The following ZC3H18 variants were observed in gnomAD, a reference collection of about 807,000 sequenced individuals.
ZC3H18 encodes zinc finger CCCH-type containing 18.
In ZC3H18, 8 loss-of-function variants were observed where a neutral mutation model predicts 106.1. That is an observed-to-expected ratio of 0.08 (90% CI 0.04 to 0.14). The LOEUF (loss-of-function observed/expected upper bound fraction) is 0.14. ZC3H18 is among the 10% of genes least tolerant of loss of function. ZC3H18 has a pLI of 1.00. For synonymous variants in ZC3H18, 635 were observed against 522.1 expected, an observed-to-expected ratio of 1.22 and a Z score of -2.95; for missense variants, 1,318 against 1,278.4, an observed-to-expected ratio of 1.03 and a Z score of -0.47.
intron 2 of ZC3H18, among the ~76,000 whole-genome samples, chr16:88,580,295 C>T (rs1434131036): frequency 2.6e-5 from 4 of 151,950 alleles, no homozygotes; most frequent in Non-Finnish European, 5.9e-5. Flanking sequence ...GTTCCCCTAT[C>T]TCCCTGGGGC....
At chr16:88,591,865 G>A (rs1046013254) in intron 3 of ZC3H18, among the ~76,000 whole-genome samples, 12 of 152,166 alleles carry the variant, frequency 7.9e-5, no homozygotes, top group African/African-American at 2.7e-4. Flanking sequence ...TTGAGGAACC[G>A]CTGGCAGTGG....
chr16:88,601,065 C>CA (rs1904724878), intron 6 of ZC3H18, among the ~76,000 whole-genome samples: 1 of 152,250 alleles, frequency 6.6e-6, no homozygotes, highest in Non-Finnish European at 1.5e-5. Context: ...AGGCCCTTCT[C>CA]AAGGCCTTCT....
intron 6 of ZC3H18, among the ~76,000 whole-genome samples, chr16:88,602,945 G>A (rs1266650465): frequency 2.0e-5 from 3 of 152,094 alleles, no homozygotes; most frequent in African/African-American, 7.2e-5. Flanking sequence ...AGGACATAAA[G>A]GACAAGAAAA....
chr16:88,591,530 C>G (rs1227195327), intron 3 of ZC3H18, among the ~76,000 whole-genome samples: 1 of 151,914 alleles, frequency 6.6e-6, no homozygotes, highest in Non-Finnish European at 1.5e-5. Context: ...CAAGATCACA[C>G]CACTGCACTC....
chr16:88,577,466 G>A lies in ZC3H18; in HGVS notation c.343G>A (p.Glu115Lys), dbSNP rs1033865458. 2 of 1,612,552 alleles carry A rather than the reference G, an allele frequency of 1.2e-6. No individual in the cohort carries two copies. Among genetic ancestry groups the A allele is most frequent in the Non-Finnish European group, 1.7e-6 (2 of 1,179,474 alleles). ...AGACCGGACAAGCGACCTTAGGGAT[G>A]AGGCCTCCTCAGTCACCAGGGAGCT... ...EEDRTSDLRDEASSVTRELDE... is the reference protein window; with the variant it reads ...EEDRTSDLRDKASSVTRELDE... The change falls in exon 2 of 18, where the codon GAG becomes AAG. Residue 115 changes from glutamate (E) to lysine (K), a missense_variant. Transcript: ENST00000301011.
intron 15 of ZC3H18, 160 bp from the exon 16 acceptor site, chr16:88,628,598 G>C: frequency 1.4e-6 from 1 of 713,468 alleles, no homozygotes; most frequent in Non-Finnish European, 2.4e-6. Context: ...CTTGGTCCGG[G>C]TCCTGGAGGC....
At chr16:88,588,101 G>C (rs540136115) in intron 3 of ZC3H18, among the ~76,000 whole-genome samples, 1 of 152,230 alleles carries the variant, frequency 6.6e-6, no homozygotes, top group Non-Finnish European at 1.5e-5. Context: ...TGTGCGGTAC[G>C]TTTTGGAAAA....
rs750343500 is a variant in ZC3H18, at chr16:88,608,999, A to G, written c.1154A>G (p.Tyr385Cys). 6.2e-7 allele frequency: 1 copy of G among 1,614,018 alleles called. No homozygotes were observed. The change falls in exon 7 of 18, where the codon TAT (tyrosine) becomes TGT (cysteine). Residue 385 changes from tyrosine (Y) to cysteine (C), a missense_variant. Tyr to Cys is a radical substitution (Grantham distance 194). This residue lies in a region of ZC3H18 where 848 missense variants were observed against 821.7 expected (regional missense o/e 1.03). Transcript: ENST00000301011. The stretch of plus-strand genomic sequence containing the variant: ...GAGCGGTTTTGGCGTGGCGGACAGT[A>G]TGAGAATTTCAGGGTGCAGTATACA... The part of the protein sequence containing the change: ...EIERFWRGGQ[Y>C]ENFRVQYTET...
chr16:88,582,226 T>C (rs866336484), intron 2 of ZC3H18, among the ~76,000 whole-genome samples: 1 of 130,730 alleles, frequency 7.6e-6, no homozygotes, highest in Non-Finnish European at 1.6e-5. Flanking sequence ...TTTCTTTTTT[T>C]TTTTTTTTTT....
In ZC3H18 at chr16:88,624,531, T is replaced by C. The variant is rs1456346043; in HGVS notation, c.1899-71T>C. 8 of 1,608,850 alleles carry C rather than the reference T, an allele frequency of 5.0e-6. No individual in the cohort carries two copies. The African/African-American group carries it at 8.0e-5, about 16-fold the overall frequency. On this transcript the variant is annotated intron_variant, in intron 11 of 17. Coordinates refer to ENST00000301011, the MANE Select transcript of ZC3H18 (RefSeq NM_144604.4). ...TGTCGTTCCCCGAGCTGTGGGTCCA[T>C]TGAAAGGGGATGTAGGCCAGCGGGG...
At chr16:88,587,064 C>A (rs1289190270) in intron 3 of ZC3H18, among the ~76,000 whole-genome samples, 2 of 152,196 alleles carry the variant, frequency 1.3e-5, no homozygotes, top group African/African-American at 4.8e-5. Flanking sequence ...TTTTCCCCAC[C>A]TCTGTAGAGA....
rs977967940 is a variant in ZC3H18, at chr16:88,624,649, C to G, written c.1946C>G (p.Ala649Gly). ...KPAPPPAPPQATKTTAPVPEP... is the reference protein window; with the variant it reads ...KPAPPPAPPQGTKTTAPVPEP... ...GCCCCGCCTCCAGCCCCACCACAGG[C>G]CACCAAAACCACTGCTCCTGTCCCC... The change falls in exon 12 of 18, where the codon GCC becomes GGC. Residue 649 changes from alanine (A) to glycine (G), a missense_variant. Physicochemically the swap from Ala to Gly is moderately conservative, Grantham distance 60 (BLOSUM62 0). Coordinates refer to ENST00000301011, the MANE Select transcript of ZC3H18 (RefSeq NM_144604.4). The G allele has an allele frequency of 2.5e-6, 4 of 1,613,902 alleles. No individual in the cohort carries two copies. In the African/African-American group the frequency reaches 4.0e-5, roughly 16 times the overall value.
intron 1 of ZC3H18, among the ~76,000 whole-genome samples, chr16:88,574,120 C>G (rs913348937): frequency 1.3e-5 from 2 of 152,072 alleles, no homozygotes; most frequent in Non-Finnish European, 2.9e-5. Context: ...GGTGATCCAC[C>G]CGCGTCAGTC....
chr16:88,630,833 CA>C (rs1353440353), intron 17 of ZC3H18, among the ~76,000 whole-genome samples: 1 of 149,548 alleles, frequency 6.7e-6, no homozygotes, highest in East Asian at 2.0e-4. Context: ...TGCCCTTGGG[CA>C]AAAGATCCCT....
intron 4 of ZC3H18, 108 bp from the exon 5 acceptor site, chr16:88,598,512 C>A: frequency 2.8e-6 from 4 of 1,408,200 alleles, no homozygotes; most frequent in Non-Finnish European, 3.9e-6. Flanking sequence ...GGAAGGAGAG[C>A]GGCCACACAC....
At chr16:88,579,478 C>G (rs138608192) in intron 2 of ZC3H18, among the ~76,000 whole-genome samples, 4 of 152,116 alleles carry the variant, frequency 2.6e-5, no homozygotes, top group African/African-American at 9.7e-5. Context: ...ATCAAGGGTC[C>G]CCATAGTGGT....
intron 8 of ZC3H18, among the ~76,000 whole-genome samples, chr16:88,618,088 C>T (rs182847480): frequency 3.2e-4 from 49 of 152,364 alleles, no homozygotes; most frequent in African/African-American, 1.1e-3. Flanking sequence ...ATCTGCTCTG[C>T]GCTGAGACTG....
chr16:88,570,950 C>T (rs1260050368), intron 1 of ZC3H18, among the ~76,000 whole-genome samples: 1 of 152,252 alleles, frequency 6.6e-6, no homozygotes, highest in African/African-American at 2.4e-5. Flanking sequence ...CAGAGTAGGT[C>T]ATCCCGGGCT....
At chr16:88,590,564 C>T (rs76963618) in intron 3 of ZC3H18, among the ~76,000 whole-genome samples, 56 of 100,632 alleles carry the variant, frequency 5.6e-4, no homozygotes, top group African/African-American at 7.3e-4. Flanking sequence ...TTCTTTATTT[C>T]TTTTTTTTTT....
Sources: gnomAD v4.1 joint callset for allele counts (sites outside exome capture counted in the v4.1 genomes callset) on GRCh38, gnomAD v4.1.1 for gene constraint, gnomAD v4.1.1 regional missense constraint, MANE v1.5 for transcripts, NCBI Gene and HGNC (gene_info 2026-07-23, HGNC 2026-07-21) for gene names.